The following GRID2 variants were observed in gnomAD, a reference collection of about 807,000 sequenced individuals.
The protein encoded by GRID2 is glutamate ionotropic receptor delta type subunit 2, also known as glutamate receptor ionotropic, delta-2.
GRID2 carries 33 observed loss-of-function variants against 114.8 expected under a neutral mutation model. The observed-to-expected ratio is 0.29, with a 90% confidence interval of 0.22 to 0.38. The LOEUF (loss-of-function observed/expected upper bound fraction) is 0.38. GRID2 is among the 10% of genes least tolerant of loss of function. The pLI is 1.00. For synonymous variants in GRID2, 505 were observed against 449.9 expected, an observed-to-expected ratio of 1.12 and a Z score of -1.55; for missense variants, 1,184 against 1,257.7, an observed-to-expected ratio of 0.94 and a Z score of 0.89.
At chr4:93,755,791 G>A (rs1732694079) in intron 14 of GRID2, among the ~76,000 whole-genome samples, 1 of 152,198 alleles carries the variant, frequency 6.6e-6, no homozygotes, top group Non-Finnish European at 1.5e-5. Context: ...GACATAATCA[G>A]TTTAAGTAGT....
At chr4:93,589,497 A>G (rs1201788205) in intron 13 of GRID2, among the ~76,000 whole-genome samples, 3 of 152,010 alleles carry the variant, frequency 2.0e-5, no homozygotes, top group Non-Finnish European at 4.4e-5. Context: ...ATTGTGAATA[A>G]TGCCGCAATA....
chr4:93,211,403 T>C (rs1352230299), intron 5 of GRID2, among the ~76,000 whole-genome samples: 2 of 152,122 alleles, frequency 1.3e-5, no homozygotes, highest in African/African-American at 4.8e-5. Flanking sequence ...AAATTTTATT[T>C]CATAAAATAT....
At chr4:92,623,509 A>C (rs1353455343) in intron 2 of GRID2, among the ~76,000 whole-genome samples, 1 of 151,832 alleles carries the variant, frequency 6.6e-6, no homozygotes, top group Non-Finnish European at 1.5e-5. Flanking sequence ...CTAAGTTCTG[A>C]AAATATGAAG....
intron 2 of GRID2, among the ~76,000 whole-genome samples, chr4:92,795,423 C>G (rs982145010): frequency 1.8e-4 from 27 of 152,070 alleles, no homozygotes; most frequent in African/African-American, 2.9e-4. Context: ...GATTCTGAGG[C>G]CTCCCCAGCC....
At chr4:92,704,888 T>C (rs976316018) in intron 2 of GRID2, among the ~76,000 whole-genome samples, 1 of 151,944 alleles carries the variant, frequency 6.6e-6, no homozygotes, top group Non-Finnish European at 1.5e-5. Flanking sequence ...AAGTGGCTAT[T>C]AGATTCACTT....
intron 2 of GRID2, among the ~76,000 whole-genome samples, chr4:92,663,417 G>GA (rs1436122583): frequency 3.3e-5 from 5 of 151,038 alleles, no homozygotes; most frequent in African/African-American, 1.2e-4. Context: ...AAGTAACTGG[G>GA]AAATTCATTG....
intron 2 of GRID2, among the ~76,000 whole-genome samples, chr4:92,699,651 A>C (rs531317664): frequency 7.0e-4 from 107 of 152,264 alleles, no homozygotes; most frequent in African/African-American, 2.5e-3. Flanking sequence ...TAACATGAGC[A>C]CAAAATCAAG....
chr4:92,634,921 C>T (rs1432812031), intron 2 of GRID2, among the ~76,000 whole-genome samples: 1 of 151,256 alleles, frequency 6.6e-6, no homozygotes, highest in Non-Finnish European at 1.5e-5. Flanking sequence ...TAAGTTGATT[C>T]ACTGGGTCAG....
chr4:93,179,711 G>A (rs1347981359), intron 4 of GRID2, among the ~76,000 whole-genome samples: 1 of 152,128 alleles, frequency 6.6e-6, no homozygotes, highest in African/African-American at 2.4e-5. Context: ...GGAATTTGAA[G>A]CTTGGAAGAA....
intron 8 of GRID2, chr4:93,306,472 C>T (rs1755433359): frequency 6.6e-6 from 1 of 152,092 alleles, no homozygotes; most frequent in African/African-American, 2.4e-5. Context: ...AGATATTTTC[C>T]TAAAGTGCTA....
At chr4:93,510,347 G>A (rs1729042605) in intron 12 of GRID2, among the ~76,000 whole-genome samples, 1 of 152,098 alleles carries the variant, frequency 6.6e-6, no homozygotes, top group African/African-American at 2.4e-5. Context: ...GGGACAGAGA[G>A]GTTTATGAGA....
chr4:93,794,861 C>T (rs1389413219), intron 1 of GRID2, among the ~76,000 whole-genome samples: 1 of 152,114 alleles, frequency 6.6e-6, no homozygotes, highest in Non-Finnish European at 1.5e-5. Flanking sequence ...CAGGAGAAAG[C>T]TTCAGGATGA....
chr4:93,782,387 CAAATG>C (rs1408051680), intron 1 of GRID2, among the ~76,000 whole-genome samples: 3 of 152,120 alleles, frequency 2.0e-5, no homozygotes, highest in Non-Finnish European at 4.4e-5. Flanking sequence ...CACTACAAAT[CAAATG>C]AAAGAACCAT....
chr4:93,545,932 G>T (rs909577242), intron 13 of GRID2, among the ~76,000 whole-genome samples: 1 of 152,052 alleles, frequency 6.6e-6, no homozygotes, highest in South Asian at 2.1e-4. Flanking sequence ...ATTTGAAAGA[G>T]AATATAAAAT....
chr4:92,422,053 G>A (rs2110325770), intron 1 of GRID2, among the ~76,000 whole-genome samples: 2 of 152,222 alleles, frequency 1.3e-5, no homozygotes, highest in South Asian at 4.1e-4. Flanking sequence ...CATGAGTGGA[G>A]GATGAGATGA....
chr4:92,707,527 T>C (rs896681878), intron 2 of GRID2, among the ~76,000 whole-genome samples: 1 of 152,190 alleles, frequency 6.6e-6, no homozygotes, highest in South Asian at 2.1e-4. Flanking sequence ...AGAGTTGATA[T>C]TCTAGTGGGA....
intron 1 of GRID2, among the ~76,000 whole-genome samples, chr4:92,336,312 A>G (rs2110153201): frequency 6.6e-6 from 1 of 152,308 alleles, no homozygotes; most frequent in African/African-American, 2.4e-5. Context: ...TGGGAAAGCC[A>G]GATCCCTATA....
chr4:92,804,171 G>A (rs1278874182), intron 2 of GRID2, among the ~76,000 whole-genome samples: 1 of 151,962 alleles, frequency 6.6e-6, no homozygotes, highest in Non-Finnish European at 1.5e-5. Context: ...ACCTTAACTT[G>A]ATGTCTTCCA....
chr4:92,690,247 A>G (rs1734112320), intron 2 of GRID2, among the ~76,000 whole-genome samples: 1 of 152,094 alleles, frequency 6.6e-6, no homozygotes. Context: ...TTGAACACTT[A>G]GAGGCCGTTG....
Sources: allele counts gnomAD v4.1 joint callset (sites outside exome capture counted in the v4.1 genomes callset), GRCh38; gene constraint gnomAD v4.1.1; transcripts MANE v1.5; gene names NCBI Gene and HGNC (gene_info 2026-07-23, HGNC 2026-07-21).